The following PHF2 variants were observed in gnomAD, a reference collection of about 807,000 sequenced individuals.
PHF2 encodes lysine-specific demethylase PHF2.
Under a neutral mutation model 120.5 loss-of-function variants are expected in PHF2, and 27 were observed. That is an observed-to-expected ratio of 0.22 (90% confidence interval 0.17 to 0.31). The LOEUF (loss-of-function observed/expected upper bound fraction) is 0.31. Ranked by LOEUF, PHF2 falls within the 10% of genes least tolerant of loss-of-function variation. PHF2 has a pLI of 1.00. For missense variants in PHF2, 1,024 were observed against 1,434.8 expected (o/e 0.71, Z 4.63); for synonymous variants, 568 against 592.5 (o/e 0.96, Z 0.60).
rs1157959197 is a variant in PHF2, at chr9:93,676,458, A to C, written c.2833-136A>C. 6.7e-6 allele frequency: 7 copies of C among 1,043,692 alleles called. No individual in the cohort carries two copies. In the Admixed American group the frequency reaches 1.4e-4, roughly 21 times the overall value. 64.7% of individuals were successfully genotyped at this position (1,043,692 alleles called of 1,614,324 possible). A position where few individuals can be genotyped will look rare whatever the true frequency, so the allele number is the denominator to read the frequency against. ...GTGCATGCTGTGCCCCTGGCGGCCC[A>C]GAGTCAGGCCTCAGGCCCCTGCTGC... On this transcript the variant is annotated intron_variant, in intron 20 of 21. Coordinates refer to ENST00000359246, the MANE Select transcript of PHF2 (RefSeq NM_005392.4).
At chr9:93,580,857 G>A (rs1402963677) in intron 1 of PHF2, among the ~76,000 whole-genome samples, 1 of 152,190 alleles carries the variant, frequency 6.6e-6, no homozygotes, top group East Asian at 1.9e-4. Flanking sequence ...TGGAGGGGGA[G>A]TGTCTCAGCA....
At chr9:93,617,871 A>G (rs990789377) in intron 1 of PHF2, among the ~76,000 whole-genome samples, 19 of 152,324 alleles carry the variant, frequency 1.2e-4, no homozygotes, top group Non-Finnish European at 1.5e-4. Flanking sequence ...TTCCAGCCAC[A>G]CACTGGCAGC....
At chr9:93,654,337 C>T (rs144358064) in intron 6 of PHF2, 76 bp from the exon 7 acceptor site, 24,492 of 1,444,606 alleles carry the variant, frequency 0.017, 238 homozygotes, top group Non-Finnish European at 0.02. Flanking sequence ...GTACTTTTCA[C>T]GTTAGGACCT....
intron 5 of PHF2, among the ~76,000 whole-genome samples, chr9:93,651,471 C>T (rs115287181): frequency 6.6e-6 from 1 of 152,080 alleles, no homozygotes; most frequent in African/African-American, 2.4e-5. Flanking sequence ...GGGCTTGGGT[C>T]GGGTCCATGG....
chr9:93,661,160 C>T (rs1361138033), intron 12 of PHF2, among the ~76,000 whole-genome samples: 1 of 152,072 alleles, frequency 6.6e-6, no homozygotes, highest in East Asian at 1.9e-4. Flanking sequence ...AAGAGATGGG[C>T]CCAGCCCTGA....
At chr9:93,587,947 C>T (rs1182182071) in intron 1 of PHF2, among the ~76,000 whole-genome samples, 1 of 152,194 alleles carries the variant, frequency 6.6e-6, no homozygotes. Flanking sequence ...CACCTGCCCA[C>T]TGTGAAGGCA....
At chr9:93,650,520 C>T (rs143903329) in intron 5 of PHF2, among the ~76,000 whole-genome samples, 21 of 152,370 alleles carry the variant, frequency 1.4e-4, no homozygotes, top group African/African-American at 5.0e-4. Context: ...CACACAGATA[C>T]ACCTTGGTTG....
At chr9:93,581,821 T>C (rs750779034) in intron 1 of PHF2, among the ~76,000 whole-genome samples, 44 of 152,152 alleles carry the variant, frequency 2.9e-4, no homozygotes, top group Non-Finnish European at 4.7e-4. Flanking sequence ...TGGCTGTCCC[T>C]GTAGTGCCTC....
chr9:93,645,601 G>A, intron 3 of PHF2, 28 bp from the exon 4 acceptor site: 1 of 1,536,266 alleles, frequency 6.5e-7, no homozygotes, highest in Non-Finnish European at 8.8e-7. Flanking sequence ...CGGGCCCAAT[G>A]TGGCCTCTGA....
intron 15 of PHF2, 33 bp from the exon 16 acceptor site, chr9:93,665,957 C>G: frequency 6.2e-7 from 1 of 1,612,592 alleles, no homozygotes; most frequent in Non-Finnish European, 8.5e-7. Flanking sequence ...CCCGCAAGGC[C>G]TCCCGCTGGA....
chr9:93,627,492 A>ATTTTGTTTTTTTTTTTTTTTTTTTTTT (rs1269463140), intron 1 of PHF2, among the ~76,000 whole-genome samples: 1 of 108,176 alleles, frequency 9.2e-6, no homozygotes, highest in Non-Finnish European at 1.8e-5. Context: ...TTATTTCAGG[A>ATTTTGTTTTTTTTTTTTTTTTTTTTTT]TTTTTTTTTT....
In PHF2 at chr9:93,672,692, G is replaced by A. The variant is rs371399260; in HGVS notation, c.2349-893G>A. The A allele has an allele frequency of 2.7e-4, 262 of 983,644 alleles. 2 individuals carry two copies. The African/African-American group carries it at 4.6e-3, about 17-fold the overall frequency. 60.9% of individuals were successfully genotyped at this position (983,644 alleles called of 1,614,324 possible). A position where few individuals can be genotyped will look rare whatever the true frequency, so the allele number is the denominator to read the frequency against. ...TGCAGGTGTGGTTGGAGGTACAGGT[G>A]TAGATGCAGGTATGGGTATAGGAGT... On this transcript the variant is annotated intron_variant, in intron 17 of 21. Transcript: ENST00000359246.
chr9:93,612,731 A>G (rs2131628995), intron 1 of PHF2, among the ~76,000 whole-genome samples: 1 of 152,320 alleles, frequency 6.6e-6, no homozygotes, highest in African/African-American at 2.4e-5. Context: ...AATAATAGGA[A>G]TCTATGGTAT....
intron 1 of PHF2, among the ~76,000 whole-genome samples, chr9:93,603,881 C>A (rs1287233379): frequency 1.3e-5 from 2 of 152,214 alleles, no homozygotes; most frequent in Non-Finnish European, 2.9e-5. Flanking sequence ...GTGCATTCTC[C>A]TTAAATGCTC....
chr9:93,594,300 A>G lies in PHF2; in HGVS notation c.98+17429A>G, dbSNP rs557911411. Among the ~76,000 whole-genome samples the G allele has an allele frequency of 2.6e-5, 4 of 152,166 alleles. No homozygotes were observed. In the East Asian group the frequency reaches 7.7e-4, roughly 29 times the overall value. On this transcript the variant is annotated intron_variant, in intron 1 of 21. Coordinates refer to ENST00000359246, the MANE Select transcript of PHF2 (RefSeq NM_005392.4). ...GTGGGTGGACAGGCCATTGACCATGAGCCTGCATGTAAGAGTTTTCAGTTG... is the reference window on the plus strand; with the variant it reads ...GTGGGTGGACAGGCCATTGACCATGGGCCTGCATGTAAGAGTTTTCAGTTG...
intron 17 of PHF2, 26 bp downstream of exon 17, chr9:93,667,266 C>A (rs1826700270): frequency 1.3e-6 from 2 of 1,598,576 alleles, no homozygotes; most frequent in African/African-American, 2.7e-5. Flanking sequence ...CGGCAGCACC[C>A]AAGAGCGGGG....
At chr9:93,648,855 A>G (rs983650888) in intron 4 of PHF2, among the ~76,000 whole-genome samples, 3 of 152,128 alleles carry the variant, frequency 2.0e-5, no homozygotes, top group African/African-American at 7.2e-5. Flanking sequence ...GCCGCCTCAC[A>G]GCATCACCAG....
rs866846899 is a variant in PHF2, at chr9:93,577,079, C to T, written c.98+208C>T. Among the ~76,000 whole-genome samples the T allele has an allele frequency of 7.0e-3, 1,027 of 147,070 alleles. 13 individuals are homozygous for T. The highest frequency in any genetic ancestry group is 0.024 in the African/African-American group (981 of 40,898). ...CAGGGCGGGGGCGCCAAGCACGGGG[C>T]CCGCGCTGGGCGCCCCTGGCCGCCG... On this transcript the variant is annotated intron_variant, in intron 1 of 21. Coordinates refer to ENST00000359246, the MANE Select transcript of PHF2 (RefSeq NM_005392.4).
Position 93,660,276 on chromosome 9 carries a change from C to T in PHF2, c.1414C>T (p.Pro472Ser). The stretch of plus-strand genomic sequence containing the variant: ...TGACGGGGACCGGGAGAAGGAGGAG[C>T]CCCCGTCTCCCATTGAGGCCACCCC... ...VCDGDREKEEPPSPIEATPPQ... is the reference protein window; with the variant it reads ...VCDGDREKEESPSPIEATPPQ... The change falls in exon 12 of 22, where the codon CCC becomes TCC. Residue 472 changes from proline to serine, a missense_variant. By Grantham distance (74) the Pro-to-Ser change is moderately conservative. Transcript: ENST00000359246. 1 of 1,610,160 alleles carries T rather than the reference C, an allele frequency of 6.2e-7. No individual in the cohort carries two copies. Among genetic ancestry groups the T allele is most frequent in the Non-Finnish European group, 8.5e-7 (1 of 1,178,716 alleles).
Sources: gnomAD v4.1 joint callset for allele counts (sites outside exome capture counted in the v4.1 genomes callset) on GRCh38, gnomAD v4.1.1 for gene constraint, MANE v1.5 for transcripts, NCBI Gene and HGNC (gene_info 2026-07-23, HGNC 2026-07-21) for gene names.